LRP1B: variants seen among roughly 807,000 people sequenced by gnomAD.
LRP1B encodes LDL receptor related protein 1B, also known as low-density lipoprotein receptor-related protein 1B.
In LRP1B, 217 loss-of-function variants were observed where a neutral mutation model predicts 556.6. The ratio of observed to expected loss-of-function variants is 0.39; its 90% CI spans 0.35 to 0.44. The LOEUF (loss-of-function observed/expected upper bound fraction) is 0.44. Ranked by LOEUF, LRP1B falls within the 20% of genes least tolerant of loss-of-function variation. The probability of loss-of-function intolerance (pLI) is 1.00; values close to 1 mark genes in which losing one functional copy is unlikely to be tolerated. For synonymous variants in LRP1B, 2,047 were observed against 1,865.8 expected (o/e 1.10, Z -2.50); for missense variants, 5,053 against 5,620.8 (o/e 0.90, Z 3.23).
chr2:141,095,001 G>A (rs1024599013), intron 7 of LRP1B, among the ~76,000 whole-genome samples: 2 of 152,134 alleles, frequency 1.3e-5, no homozygotes, highest in African/African-American at 2.4e-5. Context: ...ACTAGGCCAA[G>A]AGGGTAAAGT....
At chr2:141,178,596 T>C (rs1664254591) in intron 7 of LRP1B, among the ~76,000 whole-genome samples, 1 of 152,080 alleles carries the variant, frequency 6.6e-6, no homozygotes, top group African/African-American at 2.4e-5. Flanking sequence ...ATTTAAATAT[T>C]TGGTAGCCAG....
chr2:140,552,179 T>C (rs1680568883), intron 43 of LRP1B, among the ~76,000 whole-genome samples: 1 of 152,154 alleles, frequency 6.6e-6, no homozygotes, highest in Non-Finnish European at 1.5e-5. Context: ...TTAGGGAAGA[T>C]AGTCATTTCT....
intron 53 of LRP1B, among the ~76,000 whole-genome samples, chr2:140,504,675 C>T (rs904756927): frequency 6.6e-6 from 1 of 152,160 alleles, no homozygotes; most frequent in Non-Finnish European, 1.5e-5. Context: ...TGTATCCCAA[C>T]ATTCATTAAC....
intron 62 of LRP1B, among the ~76,000 whole-genome samples, chr2:140,455,750 T>C (rs1687078295): frequency 6.6e-6 from 1 of 152,084 alleles, no homozygotes; most frequent in African/African-American, 2.4e-5. Flanking sequence ...AACTAGAAAA[T>C]CAGCAAACTC....
chr2:141,613,224 C>G (rs564634317), intron 2 of LRP1B, among the ~76,000 whole-genome samples: 2 of 152,156 alleles, frequency 1.3e-5, no homozygotes, highest in East Asian at 3.9e-4. Context: ...ATTCTCCTTT[C>G]TCTCTGGTAA....
chr2:141,081,697 A>G (rs1699926479), intron 7 of LRP1B, among the ~76,000 whole-genome samples: 1 of 39,868 alleles, frequency 2.5e-5, no homozygotes, highest in South Asian at 6.0e-4. Flanking sequence ...AAACTCTATT[A>G]ATAGAAAAAT....
intron 25 of LRP1B, among the ~76,000 whole-genome samples, chr2:140,874,317 C>T (rs1161817638): frequency 1.3e-5 from 2 of 152,016 alleles, no homozygotes; most frequent in Non-Finnish European, 2.9e-5. Flanking sequence ...TGTATTGCAT[C>T]TCACTGTTTT....
chr2:141,741,582 T>C (rs1693708714), intron 2 of LRP1B, among the ~76,000 whole-genome samples: 1 of 152,178 alleles, frequency 6.6e-6, no homozygotes, highest in African/African-American at 2.4e-5. Context: ...CTGTTTGCCA[T>C]TTGTATGTCT....
intron 3 of LRP1B, among the ~76,000 whole-genome samples, chr2:141,305,711 C>T (rs1407776281): frequency 1.3e-5 from 2 of 152,106 alleles, no homozygotes; most frequent in Admixed American, 1.3e-4. Flanking sequence ...TTCAGTCTGA[C>T]GTTAGCTCTG....
At chr2:140,815,032 T>C (rs186251970) in intron 31 of LRP1B, among the ~76,000 whole-genome samples, 1 of 151,976 alleles carries the variant, frequency 6.6e-6, no homozygotes, top group Admixed American at 6.6e-5. Context: ...GATCCATAAC[T>C]ACTCACGGAA....
chr2:141,844,509 T>C (rs1697578757), intron 1 of LRP1B, among the ~76,000 whole-genome samples: 1 of 152,080 alleles, frequency 6.6e-6, no homozygotes, highest in African/African-American at 2.4e-5. Flanking sequence ...TCATTGATAT[T>C]AACCCAGCAC....
intron 1 of LRP1B, among the ~76,000 whole-genome samples, chr2:142,123,793 T>A (rs1707542997): frequency 6.6e-6 from 1 of 151,826 alleles, no homozygotes; most frequent in Non-Finnish European, 1.5e-5. Flanking sequence ...ATACACAAGC[T>A]TATATCTGAG....
Position 140,514,654 on chromosome 2 carries a change from A to G in LRP1B, c.8268T>C (p.Cys2756=). ...GAGGACAGAAGATACACAACTTACC[A>G]CAAATGCTGTCACTTTCATCTAACC... ...GDGLDESDSI[C]GAITCAADMF... The change falls in exon 51 of 91, where the codon TGT becomes TGC. Residue 2756 remains cysteine (C), a splice_region_variant and synonymous_variant. Coordinates refer to ENST00000389484, the MANE Select transcript of LRP1B (RefSeq NM_018557.3). 1 of 1,609,274 alleles carries G rather than the reference A, an allele frequency of 6.2e-7. No individual in the cohort carries two copies. The highest frequency in any genetic ancestry group is 1.3e-5 in the African/African-American group (1 of 74,942).
intron 41 of LRP1B, among the ~76,000 whole-genome samples, chr2:140,653,733 C>CT (rs565870513): frequency 3.3e-5 from 5 of 151,766 alleles, no homozygotes; most frequent in Non-Finnish European, 5.9e-5. Flanking sequence ...TACTAAAAGA[C>CT]TTTAACTATG....
At chr2:140,822,694 G>A (rs1691368911) in intron 31 of LRP1B, among the ~76,000 whole-genome samples, 1 of 152,146 alleles carries the variant, frequency 6.6e-6, no homozygotes, top group Non-Finnish European at 1.5e-5. Context: ...GCCAGTTCTG[G>A]ATTTTTCCCT....
intron 2 of LRP1B, among the ~76,000 whole-genome samples, chr2:141,786,413 G>T (rs1695431831): frequency 6.6e-6 from 1 of 151,812 alleles, no homozygotes; most frequent in Non-Finnish European, 1.5e-5. Context: ...AATAGAGAAG[G>T]CTAGTATGGT....
rs1699149537 is a variant in LRP1B at position 141,055,321 on chromosome 2, A to C, written c.1409-62T>G. On this transcript the variant is annotated intron_variant, in intron 9 of 90. Coordinates refer to ENST00000389484, the MANE Select transcript of LRP1B (RefSeq NM_018557.3). Reference sequence around the variant, plus strand: ...GTTCAAAGATAAGATAACTATGTGCATCAGTATGTCAAAATTTCTATAGTG... The same window carrying C: ...GTTCAAAGATAAGATAACTATGTGCCTCAGTATGTCAAAATTTCTATAGTG... The C allele has an allele frequency of 3.2e-6, 5 of 1,540,878 alleles. No individual in the cohort carries two copies. The East Asian group carries it at 1.2e-4, about 36-fold the overall frequency.
At chr2:140,975,355 T>C (rs1696561246) in intron 18 of LRP1B, among the ~76,000 whole-genome samples, 2 of 152,170 alleles carry the variant, frequency 1.3e-5, no homozygotes, top group African/African-American at 2.4e-5. Context: ...AGCCTCTCAA[T>C]AGAGTTGCAT....
chr2:140,571,739 A>T (rs1445829030), intron 43 of LRP1B, among the ~76,000 whole-genome samples: 1 of 151,846 alleles, frequency 6.6e-6, no homozygotes, highest in Non-Finnish European at 1.5e-5. Flanking sequence ...AAGACATCAC[A>T]AAACCTAACT....
Sources: gnomAD v4.1 joint callset for allele counts (sites outside exome capture counted in the v4.1 genomes callset) on GRCh38, gnomAD v4.1.1 for gene constraint, MANE v1.5 for transcripts, NCBI Gene and HGNC (gene_info 2026-07-23, HGNC 2026-07-21) for gene names.